The following RBFOX1 variants were observed in gnomAD, a reference collection of about 807,000 sequenced individuals.
RBFOX1 encodes RNA binding fox-1 homolog 1.
RBFOX1 carries 8 observed loss-of-function variants against 57.7 expected under a neutral mutation model. The ratio of observed to expected loss-of-function variants is 0.14; its 90% confidence interval spans 0.08 to 0.25. RBFOX1 has a LOEUF of 0.25. Among genes scored for constraint, RBFOX1 ranks in the 10% least tolerant of loss-of-function variants. The pLI, the probability that RBFOX1 is intolerant of heterozygous loss-of-function variation, is 1.00. For missense variants in RBFOX1, 611 were observed against 548.5 expected, an observed-to-expected ratio of 1.11 and a Z score of -1.14; for synonymous variants, 326 against 222.4, an observed-to-expected ratio of 1.47 and a Z score of -4.15.
chr16:6,556,566 A>G (rs1414540798), intron 2 of RBFOX1, among the ~76,000 whole-genome samples: 3 of 152,218 alleles, frequency 2.0e-5, no homozygotes, highest in Middle Eastern at 3.2e-3. Flanking sequence ...GTATTCCATT[A>G]TGAGACATTC....
intron 2 of RBFOX1, among the ~76,000 whole-genome samples, chr16:5,557,629 T>A (rs2045728703): frequency 6.6e-6 from 1 of 152,072 alleles, no homozygotes; most frequent in Admixed American, 6.5e-5. Flanking sequence ...TGGGAAAGCA[T>A]GTGCAAAGGC....
At chr16:6,923,430 G>T (rs2074923186) in intron 3 of RBFOX1, among the ~76,000 whole-genome samples, 2 of 152,184 alleles carry the variant, frequency 1.3e-5, no homozygotes, top group South Asian at 4.1e-4. Context: ...CTACTTGGAA[G>T]GCTGAGGAAG....
At chr16:6,530,389 A>G (rs1036532661) in intron 2 of RBFOX1, among the ~76,000 whole-genome samples, 2 of 152,188 alleles carry the variant, frequency 1.3e-5, no homozygotes, top group African/African-American at 4.8e-5. Flanking sequence ...CTACATTCCA[A>G]GAGGCTCACC....
intron 2 of RBFOX1, among the ~76,000 whole-genome samples, chr16:5,548,096 G>C (rs1198193563): frequency 6.7e-6 from 1 of 149,728 alleles, no homozygotes; most frequent in South Asian, 2.1e-4. Context: ...GTGCGGTGGA[G>C]GTTGCAGTGA....
chr16:6,871,924 T>TGTGTGC (rs2060970960), intron 3 of RBFOX1, among the ~76,000 whole-genome samples: 2 of 142,102 alleles, frequency 1.4e-5, no homozygotes, highest in Admixed American at 7.1e-5. Flanking sequence ...TGTGTGTGTG[T>TGTGTGC]GTGTGTGTGT....
At chr16:6,903,939 G>A (rs1490465476) in intron 3 of RBFOX1, among the ~76,000 whole-genome samples, 1 of 152,042 alleles carries the variant, frequency 6.6e-6, no homozygotes, top group African/African-American at 2.4e-5. Context: ...AAGGAGGCTG[G>A]CACCATTTGG....
At chr16:7,117,469 A>T (rs751564143) in intron 4 of RBFOX1, among the ~76,000 whole-genome samples, 1 of 152,106 alleles carries the variant, frequency 6.6e-6, no homozygotes, top group Non-Finnish European at 1.5e-5. Flanking sequence ...AGCTTATCCA[A>T]TTACTTAATG....
intron 3 of RBFOX1, among the ~76,000 whole-genome samples, chr16:5,775,214 C>A (rs1327056730): frequency 6.6e-6 from 1 of 152,122 alleles, no homozygotes; most frequent in African/African-American, 2.4e-5. Flanking sequence ...GACATAGGAT[C>A]CCCAAATGTA....
intron 2 of RBFOX1, among the ~76,000 whole-genome samples, chr16:6,542,898 A>G (rs2096843482): frequency 6.6e-6 from 1 of 151,962 alleles, no homozygotes; most frequent in Admixed American, 6.5e-5. Context: ...CTCTGGGTAC[A>G]TTAGTGGGGA....
intron 3 of RBFOX1, among the ~76,000 whole-genome samples, chr16:6,683,408 T>C (rs961660514): frequency 4.6e-5 from 7 of 152,142 alleles, no homozygotes; most frequent in African/African-American, 1.7e-4. Flanking sequence ...TATTAGGAGA[T>C]GCATGCTAAT....
chr16:5,963,312 T>A (rs553125081), intron 4 of RBFOX1, among the ~76,000 whole-genome samples: 6 of 152,288 alleles, frequency 3.9e-5, no homozygotes, highest in Admixed American at 2.0e-4. Context: ...ATAGAGCAGT[T>A]ATCATTCCCA....
At position 6,934,170 on chromosome 16, in the gene RBFOX1, A is replaced by G. The variant is rs150421513; in HGVS notation, c.-15-117887A>G. On this transcript the variant is annotated intron_variant, in intron 3 of 15. Transcript: ENST00000550418. ...GCTTCTGGTACAGAGTTTTCCTAAC[A>G]GTATGTGCATACCTAGCTGCAGTTC... 6.3e-3 allele frequency among the ~76,000 whole-genome samples: 965 copies of G among 152,248 alleles called. 12 individuals are homozygous for G. Among genetic ancestry groups the G allele is most frequent in the African/African-American group, 0.022 (900 of 41,534 alleles).
intron 1 of RBFOX1, among the ~76,000 whole-genome samples, chr16:5,450,044 T>G (rs1322036409): frequency 1.3e-5 from 2 of 152,236 alleles, no homozygotes; most frequent in Admixed American, 1.3e-4. Flanking sequence ...CTGGGGTAAG[T>G]GCCCTGCATG....
intron 3 of RBFOX1, among the ~76,000 whole-genome samples, chr16:6,965,829 A>G (rs1349987549): frequency 6.6e-6 from 1 of 152,178 alleles, no homozygotes. Context: ...GTACTGAAAT[A>G]GGTGCTGTCG....
intron 5 of RBFOX1, among the ~76,000 whole-genome samples, chr16:7,535,340 A>T (rs1222198629): frequency 6.6e-6 from 1 of 152,158 alleles, no homozygotes; most frequent in Non-Finnish European, 1.5e-5. Context: ...GGTTTCATGG[A>T]TGTGAGCAAT....
chr16:6,021,227 C>T (rs2095068972), intron 1 of RBFOX1, among the ~76,000 whole-genome samples: 1 of 152,080 alleles, frequency 6.6e-6, no homozygotes, highest in African/African-American at 2.4e-5. Context: ...TTTTTAAACT[C>T]CGTTGTGCAG....
chr16:5,687,723 C>T (rs2050548356), intron 3 of RBFOX1, among the ~76,000 whole-genome samples: 1 of 152,156 alleles, frequency 6.6e-6, no homozygotes, highest in Non-Finnish European at 1.5e-5. Flanking sequence ...CCTGGGAACC[C>T]CTTCATTCTC....
chr16:6,901,520 G>C (rs1222813902), intron 3 of RBFOX1, among the ~76,000 whole-genome samples: 1 of 152,146 alleles, frequency 6.6e-6, no homozygotes, highest in Non-Finnish European at 1.5e-5. Flanking sequence ...GCAAGTTCAT[G>C]TCTAGTTAAG....
At chr16:6,920,119 C>T (rs964444508) in intron 3 of RBFOX1, among the ~76,000 whole-genome samples, 74 of 152,252 alleles carry the variant, frequency 4.9e-4, no homozygotes, top group Non-Finnish European at 5.9e-5. Context: ...TTATTTTGTT[C>T]CATTTTATGG....
Sources: allele counts gnomAD v4.1 joint callset (sites outside exome capture counted in the v4.1 genomes callset), GRCh38; gene constraint gnomAD v4.1.1; transcripts MANE v1.5; gene names NCBI Gene and HGNC (gene_info 2026-07-23, HGNC 2026-07-21).